The following CLNK variants were observed in gnomAD, a reference collection of about 807,000 sequenced individuals.
The protein encoded by CLNK is cytokine dependent hematopoietic cell linker, also known as cytokine-dependent hematopoietic cell linker.
In CLNK, 74 loss-of-function variants were observed where a neutral mutation model predicts 68.6. That is an observed-to-expected ratio of 1.08 (90% CI 0.89 to 1.31). The LOEUF (loss-of-function observed/expected upper bound fraction) is 1.31, where lower values mean the gene tolerates loss of function less well. CLNK is among the 50% of genes most tolerant of loss of function. The pLI is 0.00. For synonymous variants in CLNK, 198 were observed against 172.2 expected, an observed-to-expected ratio of 1.15 and a Z score of -1.17; for missense variants, 553 against 515.3, an observed-to-expected ratio of 1.07 and a Z score of -0.71.
At chr4:10,720,980 C>A in the CLNK span, among the ~76,000 whole-genome samples, 65,235 of 151,790 alleles carry the variant, frequency 0.43, 14,908 homozygotes, top group East Asian at 0.58. Context: ...ACATACTACT[C>A]AACAATACAA....
rs186149300 is a variant in CLNK at position 10,607,469 on chromosome 4, T to A, written c.12-9420A>T. 2.6e-3 allele frequency among the ~76,000 whole-genome samples: 399 copies of A among 152,368 alleles called. 7 individuals carry two copies. Among genetic ancestry groups the A allele is most frequent in the South Asian group, 7.5e-3 (36 of 4,824 alleles). On this transcript the variant is annotated intron_variant, in intron 2 of 18. Coordinates refer to ENST00000226951, the MANE Select transcript of CLNK (RefSeq NM_052964.4). ...TCATTTGCTGGGAAGCAGACACTGATGATAAGGCATGATTGCAAACCCTAC... is the reference window on the plus strand; with the variant it reads ...TCATTTGCTGGGAAGCAGACACTGAAGATAAGGCATGATTGCAAACCCTAC...
chr4:10,706,182 C>A, the CLNK span, among the ~76,000 whole-genome samples: 2 of 152,194 alleles, frequency 1.3e-5, no homozygotes, highest in African/African-American at 4.8e-5. Context: ...GAAATTCCAC[C>A]TGTCTCAGCA....
In CLNK at chr4:10,592,458, T is replaced by C. The variant is rs568156088; in HGVS notation, c.83+5520A>G. Among the ~76,000 whole-genome samples the C allele has an allele frequency of 3.9e-5, 6 of 152,140 alleles. No homozygotes were observed. The East Asian group carries it at 1.2e-3, about 29-fold the overall frequency. On this transcript the variant is annotated intron_variant, in intron 3 of 18. Transcript: ENST00000226951. ...CATCCACTCTCTGAGCCTCCCCCAC[T>C]TCCCCACTTGGTCTCTGTCTTCTTC...
intron 2 of CLNK, among the ~76,000 whole-genome samples, chr4:10,629,488 C>T (rs924121518): frequency 6.6e-6 from 1 of 152,144 alleles, no homozygotes; most frequent in Non-Finnish European, 1.5e-5. Context: ...ATTTACATGT[C>T]TTAGGGATCA....
At chr4:10,695,860 GCTT>G in the CLNK span, among the ~76,000 whole-genome samples, 5 of 151,376 alleles carry the variant, frequency 3.3e-5, no homozygotes, top group East Asian at 9.7e-4. Flanking sequence ...CACAATTAGA[GCTT>G]TTTTTTTTTT....
intron 2 of CLNK, among the ~76,000 whole-genome samples, chr4:10,638,177 G>A (rs1460003720): frequency 6.6e-6 from 1 of 152,154 alleles, no homozygotes; most frequent in South Asian, 2.1e-4. Flanking sequence ...TGAGAACACC[G>A]ACTGCAGAGA....
chr4:10,665,450 G>A (rs1351877317), intron 2 of CLNK, among the ~76,000 whole-genome samples: 1 of 152,070 alleles, frequency 6.6e-6, no homozygotes, highest in East Asian at 1.9e-4. Flanking sequence ...CGGATCATGA[G>A]GTCAGGAGAC....
At chr4:10,586,895 A>G (rs1045705568) in intron 3 of CLNK, among the ~76,000 whole-genome samples, 1 of 151,982 alleles carries the variant, frequency 6.6e-6, no homozygotes, top group Non-Finnish European at 1.5e-5. Context: ...TTTTTTCCCA[A>G]AAGGTTTTGG....
intron 1 of CLNK, among the ~76,000 whole-genome samples, chr4:10,682,298 A>G (rs1013987077): frequency 6.6e-6 from 1 of 152,184 alleles, no homozygotes; most frequent in Admixed American, 6.5e-5. Context: ...AGCCGCTTTG[A>G]ACACTTTATG....
the CLNK span, among the ~76,000 whole-genome samples, chr4:10,699,285 C>CACACACGTACACACCACGTATGT: frequency 2.2e-5 from 1 of 46,192 alleles, no homozygotes; most frequent in Admixed American, 1.9e-4. Context: ...ACACCACATA[C>CACACACGTACACACCACGTATGT]GTGTATACAC....
chr4:10,513,112 A>G (rs1717668040), intron 16 of CLNK, among the ~76,000 whole-genome samples: 1 of 152,102 alleles, frequency 6.6e-6, no homozygotes. Context: ...TGCTGGAAAA[A>G]AATTGCAACC....
chr4:10,724,741 A>G, the CLNK span, among the ~76,000 whole-genome samples: 1 of 152,228 alleles, frequency 6.6e-6, no homozygotes. Flanking sequence ...CTTAGAGATC[A>G]TCCATAAAAA....
chr4:10,580,008 C>A (rs879486883), intron 4 of CLNK, among the ~76,000 whole-genome samples: 5 of 152,192 alleles, frequency 3.3e-5, no homozygotes, highest in Non-Finnish European at 4.4e-5. Context: ...TCAAATCCCC[C>A]TCCATCTCTG....
chr4:10,689,745 A>ATCTTTTTTTTTTT (rs1725395723), upstream of CLNK, among the ~76,000 whole-genome samples: 1 of 100,094 alleles, frequency 1.0e-5, no homozygotes, highest in Non-Finnish European at 2.0e-5. Flanking sequence ...AAACCCATGC[A>ATCTTTTTTTTTTT]TTTTTTTTTT....
chr4:10,517,198 T>G (rs1454479772), intron 15 of CLNK, among the ~76,000 whole-genome samples: 1 of 151,220 alleles, frequency 6.6e-6, no homozygotes, highest in African/African-American at 2.4e-5. Flanking sequence ...TTTAGGATAA[T>G]CAAAAGAAGA....
rs183816182 is a variant in CLNK, at chr4:10,651,218, A to G, written c.11+16641T>C. On this transcript the variant is annotated intron_variant, in intron 2 of 18. Transcript: ENST00000226951. ...ACTGGGTATATACCCAAAGGATTAC[A>G]AATCATTCTACTATCAAGACACATG... Among the ~76,000 whole-genome samples the G allele has an allele frequency of 4.7e-4, 72 of 152,362 alleles. 2 individuals carry two copies. The Middle Eastern group carries it at 0.041, about 86-fold the overall frequency.
chr4:10,509,053 G>C lies in CLNK; in HGVS notation c.907-1017C>G, dbSNP rs191295563. Among the ~76,000 whole-genome samples, 62 of 145,090 alleles carry C rather than the reference G, an allele frequency of 4.3e-4. 1 individual carries two copies. The East Asian group carries it at 0.012, about 28-fold the overall frequency. ...ACCTGGGAGGCGGCGGTTGCAGTGA[G>C]CCGAGATCGTGCCACTGCACTCCAG... On this transcript the variant is annotated intron_variant, in intron 16 of 18. Transcript: ENST00000226951.
chr4:10,704,393 A>C, the CLNK span, among the ~76,000 whole-genome samples: 243 of 152,254 alleles, frequency 1.6e-3, no homozygotes, highest in African/African-American at 5.7e-3. Flanking sequence ...TTTTATTTTC[A>C]TTCTTGATAT....
the CLNK span, among the ~76,000 whole-genome samples, chr4:10,696,052 C>A: frequency 7.2e-5 from 11 of 152,226 alleles, no homozygotes. Context: ...GATGGGGTTT[C>A]ACCCTGTTGG....
Sources: allele counts gnomAD v4.1 joint callset (sites outside exome capture counted in the v4.1 genomes callset), GRCh38; gene constraint gnomAD v4.1.1; transcripts MANE v1.5; gene names NCBI Gene and HGNC (gene_info 2026-07-23, HGNC 2026-07-21).